WWC1: variants seen among roughly 807,000 people sequenced by gnomAD.
The protein encoded by WWC1 is protein KIBRA.
Under a neutral mutation model 138.4 loss-of-function variants are expected in WWC1, and 55 were observed. That is an observed-to-expected ratio of 0.40 (90% CI 0.32 to 0.50). The LOEUF is 0.50. Ranked by LOEUF, WWC1 falls within the 20% of genes least tolerant of loss-of-function variation. WWC1 has a pLI of 0.72. For missense variants in WWC1, 1,226 were observed against 1,420.4 expected, an observed-to-expected ratio of 0.86 and a Z score of 2.20; for synonymous variants, 524 against 564.9, an observed-to-expected ratio of 0.93 and a Z score of 1.03.
In WWC1 at chr5:168,349,789, C is replaced by A. The variant is rs367588586; in HGVS notation, c.120-21635C>A. Among the ~76,000 whole-genome samples the A allele has an allele frequency of 5.9e-5, 9 of 152,290 alleles. No homozygotes were observed. In the East Asian group the frequency reaches 1.7e-3, roughly 29 times the overall value. ...GGGCCACTGGGCGGGAGGCTCACAGCCCTTCCTGTTTTTGGAAGAATTGGT... is the reference window on the plus strand; with the variant it reads ...GGGCCACTGGGCGGGAGGCTCACAGACCTTCCTGTTTTTGGAAGAATTGGT... On this transcript the variant is annotated intron_variant, in intron 1 of 22. Transcript: ENST00000265293.
At chr5:168,448,594 C>A (rs929629628) in intron 17 of WWC1, among the ~76,000 whole-genome samples, 4 of 149,404 alleles carry the variant, frequency 2.7e-5, no homozygotes, top group Admixed American at 1.3e-4. Flanking sequence ...TAATAGACAT[C>A]ATAGAATAGT....
At chr5:168,361,056 G>A (rs530570229) in intron 1 of WWC1, among the ~76,000 whole-genome samples, 7 of 152,344 alleles carry the variant, frequency 4.6e-5, no homozygotes, top group African/African-American at 1.7e-4. Context: ...CTGGGGTTGT[G>A]TGCCAGGTGC....
Position 168,423,880 on chromosome 5 carries a change from C to T in WWC1, c.1622C>T (p.Ser541Phe). 1 of 1,614,096 alleles carries T rather than the reference C, an allele frequency of 6.2e-7. No individual in the cohort carries two copies. The highest frequency in any genetic ancestry group is 8.5e-7 in the Non-Finnish European group (1 of 1,179,990). The change falls in exon 11 of 23, where the codon TCC becomes TTC. Residue 541 changes from serine (S) to phenylalanine (F), a missense_variant. By Grantham distance (155) the Ser-to-Phe change is radical (BLOSUM62 -2). Around this residue, in one of 3 missense-constraint regions of WWC1, gnomAD observed 1,016 missense variants for 1,153.9 expected, o/e 0.88. Coordinates refer to ENST00000265293, the MANE Select transcript of WWC1 (RefSeq NM_015238.3). ...TCCCTATCCCCACGTTCCTCTCTCT[C>T]CTCCCCCTCCCCACCCTGTTCCCCT... Reference protein sequence around the residue: ...MTSLSPRSSLSSPSPPCSPLM... With the variant: ...MTSLSPRSSLFSPSPPCSPLM...
At chr5:168,418,715 T>C (rs1204775879) in intron 9 of WWC1, among the ~76,000 whole-genome samples, 1 of 151,976 alleles carries the variant, frequency 6.6e-6, no homozygotes, top group South Asian at 2.1e-4. Context: ...CCTCTGTGGC[T>C]TTTCTCCCAC....
At chr5:168,331,680 T>C (rs1316498522) in intron 1 of WWC1, among the ~76,000 whole-genome samples, 1 of 152,264 alleles carries the variant, frequency 6.6e-6, no homozygotes, top group African/African-American at 2.4e-5. Context: ...GGTAACGTGA[T>C]AGCTGTGGCC....
intron 9 of WWC1, among the ~76,000 whole-genome samples, chr5:168,420,323 C>G (rs1443360858): frequency 6.6e-6 from 1 of 152,142 alleles, no homozygotes; most frequent in Non-Finnish European, 1.5e-5. Context: ...CTCCTCCCTC[C>G]GTTTCACATG....
intron 1 of WWC1, among the ~76,000 whole-genome samples, chr5:168,328,712 T>G (rs1250794348): frequency 6.6e-6 from 1 of 152,142 alleles, no homozygotes; most frequent in African/African-American, 2.4e-5. Flanking sequence ...AATTTTTGTA[T>G]TTTTAGTAGA....
intron 1 of WWC1, among the ~76,000 whole-genome samples, chr5:168,356,580 C>A (rs531855838): frequency 6.6e-6 from 1 of 152,342 alleles, no homozygotes; most frequent in South Asian, 2.1e-4. Context: ...ATCACTGAAA[C>A]CTGTAGACAA....
chr5:168,313,697 A>G (rs1771323732), intron 1 of WWC1, among the ~76,000 whole-genome samples: 1 of 151,966 alleles, frequency 6.6e-6, no homozygotes, highest in African/African-American at 2.4e-5. Flanking sequence ...GTTAACATTG[A>G]GTAGCACTGA....
chr5:168,315,587 A>G (rs922923169), intron 1 of WWC1, among the ~76,000 whole-genome samples: 1 of 151,994 alleles, frequency 6.6e-6, no homozygotes, highest in Non-Finnish European at 1.5e-5. Context: ...AATCTACCAC[A>G]AAGTAGTAGT....
In WWC1 at chr5:168,408,563, G is replaced by A. The variant is rs147534881; in HGVS notation, c.777G>A (p.Leu259=). The change falls in exon 7 of 23, where the codon CTG becomes CTA. Residue 259 remains leucine (L), a synonymous_variant. Transcript: ENST00000265293. The part of the protein sequence containing the change: ...FRTDRGSHSD[L]WSSSSSLESS... ...CTGACAGGGGGTCTCACTCAGACCT[G>A]TGGTCCAGCAGCAGCTCTCTGGAGA... 6.2e-7 allele frequency: 1 copy of A among 1,614,100 alleles called. No homozygotes were observed. The highest frequency in any genetic ancestry group is 1.3e-5 in the African/African-American group (1 of 74,936).
rs139930672 is a variant in WWC1, at chr5:168,416,870, T to A, written c.1184+2280T>A. On this transcript the variant is annotated intron_variant, in intron 9 of 22. Transcript: ENST00000265293. The stretch of plus-strand genomic sequence containing the variant: ...ATTTTTTTCCATCAACTTTATGTTT[T>A]ATTTTTATTTTTTTCGAGATGGAGT... 5.2e-3 allele frequency among the ~76,000 whole-genome samples: 793 copies of A among 152,346 alleles called. 7 individuals carry two copies. Among genetic ancestry groups the A allele is most frequent in the African/African-American group, 0.019 (769 of 41,566 alleles).
Position 168,318,655 on chromosome 5 carries a change from G to T in WWC1, c.119+26384G>T, listed in dbSNP as rs1771808701. ...GCTCACTGCAGCCTCCACCTCCTGG[G>T]TTCAAGCTATTCTCCTGCCTCAGCC... On this transcript the variant is annotated intron_variant, in intron 1 of 22. Transcript: ENST00000265293. Among the ~76,000 whole-genome samples, 5 of 151,946 alleles carry T rather than the reference G, an allele frequency of 3.3e-5. No homozygotes were observed. In the South Asian group the frequency reaches 1.0e-3, roughly 32 times the overall value.
chr5:168,352,658 G>T (rs1399971274), intron 1 of WWC1, among the ~76,000 whole-genome samples: 2 of 150,574 alleles, frequency 1.3e-5, no homozygotes, highest in East Asian at 1.9e-4. Context: ...ATCTCGGCTC[G>T]CTGCAACCTC....
Position 168,380,441 on chromosome 5 carries a change from C to CA in WWC1, c.230-4763dup, listed in dbSNP as rs201697577. Among the ~76,000 whole-genome samples, 1,140 of 151,454 alleles carry CA rather than the reference C, an allele frequency of 7.5e-3. 3 individuals carry two copies. Among genetic ancestry groups the CA allele is most frequent in the Middle Eastern group, 0.014 (4 of 292 alleles). ...GGACAGCATAGTGAGACCCCCATCT[C>CA]AAAAAAATAAAAAAATAAAATTCCA... is the stretch of plus-strand genomic sequence containing the variant. On this transcript the variant is annotated intron_variant, in intron 2 of 22. Coordinates refer to ENST00000265293, the MANE Select transcript of WWC1 (RefSeq NM_015238.3).
intron 1 of WWC1, among the ~76,000 whole-genome samples, chr5:168,305,215 G>T (rs900024565): frequency 6.7e-6 from 1 of 150,154 alleles, no homozygotes; most frequent in African/African-American, 2.5e-5. Context: ...TGATCTGCCT[G>T]CCTTGGCCTC....
intron 1 of WWC1, among the ~76,000 whole-genome samples, chr5:168,353,470 C>T (rs1389900188): frequency 6.6e-6 from 1 of 152,260 alleles, no homozygotes; most frequent in South Asian, 2.1e-4. Context: ...TGGCATCAGC[C>T]TGCCGTCGTC....
chr5:168,419,338 C>T (rs538461870), intron 9 of WWC1, among the ~76,000 whole-genome samples: 6 of 136,406 alleles, frequency 4.4e-5, no homozygotes, highest in African/African-American at 1.8e-4. Flanking sequence ...GGTCTTTCAG[C>T]AGAGCTCATA....
chr5:168,370,234 T>C (rs1776649067), intron 1 of WWC1, among the ~76,000 whole-genome samples: 1 of 152,182 alleles, frequency 6.6e-6, no homozygotes, highest in African/African-American at 2.4e-5. Context: ...CCAATTGTGC[T>C]GGACACAGGA....
Sources: gnomAD v4.1 joint callset for allele counts (sites outside exome capture counted in the v4.1 genomes callset) on GRCh38, gnomAD v4.1.1 for gene constraint, gnomAD v4.1.1 regional missense constraint, MANE v1.5 for transcripts, NCBI Gene and HGNC (gene_info 2026-07-23, HGNC 2026-07-21) for gene names.